The following CREBBP variants were observed in gnomAD, a reference collection of about 807,000 sequenced individuals.
CREBBP encodes the protein CREB binding lysine acetyltransferase.
In CREBBP, 19 loss-of-function variants were observed where a neutral mutation model predicts 265.0. The ratio of observed to expected loss-of-function variants is 0.07; its 90% CI spans 0.05 to 0.11. CREBBP has a LOEUF of 0.11. Ranked by LOEUF, CREBBP falls within the 10% of genes least tolerant of loss-of-function variation. The pLI, the probability that CREBBP is intolerant of heterozygous loss-of-function variation, is 1.00. For synonymous variants in CREBBP, 1,457 were observed against 1,223.7 expected, an observed-to-expected ratio of 1.19 and a Z score of -3.98; for missense variants, 2,525 against 3,219.0, an observed-to-expected ratio of 0.78 and a Z score of 5.22.
In CREBBP at chr16:3,793,604, C is replaced by T. The variant is rs2053548814; in HGVS notation, c.998G>A (p.Gly333Glu). 3 of 1,613,258 alleles carry T rather than the reference C, an allele frequency of 1.9e-6. No homozygotes were observed. Among genetic ancestry groups the T allele is most frequent in the Non-Finnish European group, 8.5e-7 (1 of 1,179,988 alleles). The change falls in exon 4 of 31, where the codon GGA (glycine) becomes GAA (glutamate). Residue 333 changes from glycine to glutamate, a missense_variant. This residue lies in a region of CREBBP where 126 missense variants were observed against 171.9 expected (regional missense o/e 0.73). Transcript: ENST00000262367. ...PNMSQMQTSV[G>E]IVPTQAIATG... is the part of the protein sequence containing the mutation. ...TGCAATTGCTTGTGTGGGTACAATT[C>T]CCACTGATGTTTGCATCTGAGACTA...
At chr16:3,834,774 G>A (rs1405756526) in intron 2 of CREBBP, among the ~76,000 whole-genome samples, 1 of 152,174 alleles carries the variant, frequency 6.6e-6, no homozygotes, top group Non-Finnish European at 1.5e-5. Flanking sequence ...AGGAGACTAT[G>A]AACTAGGAGA....
At chr16:3,835,326 C>T (rs2054423497) in intron 2 of CREBBP, among the ~76,000 whole-genome samples, 1 of 151,954 alleles carries the variant, frequency 6.6e-6, no homozygotes, top group Non-Finnish European at 1.5e-5. Flanking sequence ...CTGCGGTTTC[C>T]ATCCCAGATT....
At chr16:3,751,984 G>C in intron 19 of CREBBP, 178 bp from the exon 20 acceptor site, 1 of 682,086 alleles carries the variant, frequency 1.5e-6, no homozygotes, top group South Asian at 1.6e-5. Flanking sequence ...GGAAAGGCAG[G>C]ATTAGAGAAC....
Position 3,725,565 on chromosome 16 carries a change from G to T in CREBBP, c.*2153C>A, listed in dbSNP as rs754553941. The stretch of plus-strand genomic sequence containing the variant: ...CCGAGCAGTGGCAGCAATCTCCACC[G>T]GAGGCCCGGCCTGTGCTTCCCCTCC... On this transcript the variant is annotated 3_prime_UTR_variant, in exon 31 of 31. Coordinates refer to ENST00000262367, the MANE Select transcript of CREBBP (RefSeq NM_004380.3). 2 of 233,188 alleles carry T rather than the reference G, an allele frequency of 8.6e-6. No homozygotes were observed. The highest frequency in any genetic ancestry group is 1.7e-5 in the Non-Finnish European group (2 of 118,054). The allele number at this position is 233,188 out of a possible 1,614,324, so 14.4% of individuals were successfully genotyped here. A position where few individuals can be genotyped will look rare whatever the true frequency, so the allele number is the denominator to read the frequency against.
At chr16:3,791,012 G>T (rs976348383) in intron 5 of CREBBP, among the ~76,000 whole-genome samples, 1 of 152,118 alleles carries the variant, frequency 6.6e-6, no homozygotes, top group African/African-American at 2.4e-5. Flanking sequence ...GAATGAACAC[G>T]TAATACACAA....
intron 1 of CREBBP, 143 bp from the exon 2 acceptor site, chr16:3,851,152 G>T: frequency 1.4e-6 from 1 of 738,056 alleles, no homozygotes; most frequent in Non-Finnish European, 2.3e-6. Context: ...GCTGGGTGTG[G>T]TAGCGCATGC....
chr16:3,801,654 G>C (rs75908834), intron 3 of CREBBP, among the ~76,000 whole-genome samples: 1,856 of 152,178 alleles, frequency 0.012, 38 homozygotes, highest in African/African-American at 0.043. Flanking sequence ...TGTGCAACAA[G>C]AGCAACATTC....
At chr16:3,865,072 A>G (rs941373837) in intron 1 of CREBBP, among the ~76,000 whole-genome samples, 3 of 152,220 alleles carry the variant, frequency 2.0e-5, no homozygotes, top group Non-Finnish European at 2.9e-5. Flanking sequence ...AAAAAAAAGA[A>G]TATCTGCAAC....
Position 3,810,098 on chromosome 16 carries a change from G to A in CREBBP, c.975+505C>T, listed in dbSNP as rs140371721. Among the ~76,000 whole-genome samples the A allele has an allele frequency of 2.4e-3, 364 of 152,290 alleles. 4 individuals carry two copies. The highest frequency in any genetic ancestry group is 8.3e-3 in the African/African-American group (347 of 41,560). The stretch of plus-strand genomic sequence containing the variant: ...TGATAAGGATAATTCCCATTTTATA[G>A]ATTTCCCATCTATAAAATCCCTTCA... On this transcript the variant is annotated intron_variant, in intron 3 of 30. Coordinates refer to ENST00000262367, the MANE Select transcript of CREBBP (RefSeq NM_004380.3).
At chr16:3,833,327 G>A (rs542028604) in intron 2 of CREBBP, among the ~76,000 whole-genome samples, 1 of 152,336 alleles carries the variant, frequency 6.6e-6, no homozygotes, top group African/African-American at 2.4e-5. Flanking sequence ...CACGAGAATC[G>A]CTTGAGCCCC....
At chr16:3,780,917 G>A (rs778530735) in intron 7 of CREBBP, 39 bp from the exon 8 acceptor site, 2 of 1,611,270 alleles carry the variant, frequency 1.2e-6, no homozygotes, top group Non-Finnish European at 1.7e-6. Context: ...ATCTACTGAA[G>A]TGACTCAAAC....
At chr16:3,787,116 C>CT (rs1202655047) in intron 5 of CREBBP, among the ~76,000 whole-genome samples, 4 of 151,284 alleles carry the variant, frequency 2.6e-5, no homozygotes, top group African/African-American at 9.8e-5. Flanking sequence ...GCCATCTCTA[C>CT]AAAGTTGCTG....
intron 16 of CREBBP, among the ~76,000 whole-genome samples, chr16:3,760,391 GTTTTTTTTTTT>G (rs35861892): frequency 7.9e-5 from 6 of 75,942 alleles, no homozygotes; most frequent in African/African-American, 2.0e-4. Flanking sequence ...TCATGCCCAG[GTTTTTTTTTTT>G]TTTTTTTTTT....
chr16:3,793,738 G>T, intron 3 of CREBBP, 112 bp from the exon 4 acceptor site: 1 of 1,299,108 alleles, frequency 7.7e-7, no homozygotes, highest in Non-Finnish European at 1.1e-6. Flanking sequence ...CGACCACAGA[G>T]AGAAGGCTGG....
In CREBBP at chr16:3,814,549, G is replaced by A. The variant is rs148712863; in HGVS notation, c.799-3770C>T. 2.4e-3 allele frequency among the ~76,000 whole-genome samples: 368 copies of A among 152,136 alleles called. 1 individual carries two copies. The highest frequency in any genetic ancestry group is 8.6e-3 in the African/African-American group (358 of 41,502). ...TGGGATTACAGGTATAAGCCACCAC[G>A]CCTGGCCATAACTGGTCAATTTCAA... On this transcript the variant is annotated intron_variant, in intron 2 of 30. Transcript: ENST00000262367.
At chr16:3,763,153 C>T (rs2052763777) in intron 16 of CREBBP, among the ~76,000 whole-genome samples, 1 of 151,908 alleles carries the variant, frequency 6.6e-6, no homozygotes, top group Admixed American at 6.6e-5. Context: ...AACTATTTCA[C>T]CAAAACTGAA....
chr16:3,816,747 G>T (rs1303665874), intron 2 of CREBBP, among the ~76,000 whole-genome samples: 1 of 152,142 alleles, frequency 6.6e-6, no homozygotes, highest in East Asian at 1.9e-4. Flanking sequence ...ACCTGTTTTG[G>T]TCACAAAACT....
intron 19 of CREBBP, among the ~76,000 whole-genome samples, chr16:3,752,530 A>G (rs2052497578): frequency 6.6e-6 from 1 of 152,096 alleles, no homozygotes; most frequent in South Asian, 2.1e-4. Context: ...TATTCTAGAC[A>G]AACATTTAAC....
At chr16:3,784,145 A>G (rs1369738850) in intron 5 of CREBBP, among the ~76,000 whole-genome samples, 1 of 152,172 alleles carries the variant, frequency 6.6e-6, no homozygotes, top group African/African-American at 2.4e-5. Flanking sequence ...ACGACCACAA[A>G]GCCTTTCTTT....
Sources: allele counts gnomAD v4.1 joint callset (sites outside exome capture counted in the v4.1 genomes callset), GRCh38; gene constraint gnomAD v4.1.1; regional missense constraint gnomAD v4.1.1; transcripts MANE v1.5; gene names NCBI Gene and HGNC (gene_info 2026-07-23, HGNC 2026-07-21).